RTKN2: variants seen among roughly 807,000 people sequenced by gnomAD.
The protein encoded by RTKN2 is rhotekin 2, also known as rhotekin-2.
A neutral mutation model predicts 71.5 loss-of-function variants in RTKN2; 69 were observed. The ratio of observed to expected loss-of-function variants is 0.96; its 90% CI spans 0.79 to 1.18. The LOEUF is 1.18. RTKN2 is among the 50% of genes most tolerant of loss of function. The pLI is 0.00. For synonymous variants in RTKN2, 236 were observed against 236.5 expected, an observed-to-expected ratio of 1.00 and a Z score of 0.02; for missense variants, 724 against 719.7, an observed-to-expected ratio of 1.01 and a Z score of -0.07.
chr10:62,217,061 GA>G (rs931315726), intron 9 of RTKN2, 56 bp downstream of exon 9: 2 of 1,358,872 alleles, frequency 1.5e-6, no homozygotes, highest in Admixed American at 5.0e-5. Context: ...AAACTGCACA[GA>G]CAAAAACAAA....
intron 6 of RTKN2, among the ~76,000 whole-genome samples, chr10:62,231,784 T>G (rs995085669): frequency 6.6e-6 from 1 of 152,200 alleles, no homozygotes. Context: ...AGGGAAAATT[T>G]TATCATTTTA....
chr10:62,210,674 C>T (rs755399483), intron 9 of RTKN2, among the ~76,000 whole-genome samples: 2 of 152,048 alleles, frequency 1.3e-5, no homozygotes, highest in Non-Finnish European at 2.9e-5. Context: ...AAAAGGATAT[C>T]TTCATGTATA....
chr10:62,264,774 G>C (rs1842839166), intron 1 of RTKN2, among the ~76,000 whole-genome samples: 1 of 152,024 alleles, frequency 6.6e-6, no homozygotes, highest in African/African-American at 2.4e-5. Flanking sequence ...GGGCCTTATA[G>C]AAGTACCTAA....
chr10:62,264,240 A>G (rs1476233862), intron 1 of RTKN2, among the ~76,000 whole-genome samples: 2 of 152,236 alleles, frequency 1.3e-5, no homozygotes, highest in South Asian at 2.1e-4. Context: ...ACTACAGTAG[A>G]TGATTTAACT....
chr10:62,262,823 TAA>T lies in RTKN2; in HGVS notation c.61-4_61-3del. 4.3e-6 allele frequency: 6 copies of T among 1,385,768 alleles called. No individual in the cohort carries two copies. Among genetic ancestry groups the T allele is most frequent in the Non-Finnish European group, 4.9e-6 (5 of 1,022,516 alleles). The allele number at this position is 1,385,768 out of a possible 1,614,324, so 85.8% of individuals were successfully genotyped here. ...TATTTTTTCTTGAATGTTGCAGTCC[TAA>T]AAAAAAAATGCATCTTGAAAATATA... On this transcript the variant is annotated splice_polypyrimidine_tract_variant and splice_region_variant and intron_variant, in intron 1 of 11. Transcript: ENST00000373789.
exon 9 of RTKN2, chr10:62,184,358 C>T: frequency 6.5e-7 from 1 of 1,544,784 alleles, no homozygotes; most frequent in Admixed American, 2.0e-5. Flanking sequence ...CTGGCAGTTT[C>T]TGGAGATTAT....
At chr10:62,250,322 G>T (rs916235496) in intron 2 of RTKN2, among the ~76,000 whole-genome samples, 9 of 152,172 alleles carry the variant, frequency 5.9e-5, no homozygotes, top group African/African-American at 2.2e-4. Context: ...GGTGTCCTTT[G>T]GAGCCTTGGC....
chr10:62,198,308 T>C lies in RTKN2; in HGVS notation c.1430A>G (p.Asn477Ser), dbSNP rs1841372889. 6.2e-7 allele frequency: 1 copy of C among 1,613,996 alleles called. No individual in the cohort carries two copies. The highest frequency in any genetic ancestry group is 8.5e-7 in the Non-Finnish European group (1 of 1,179,906). ...CTTTTTCTGGATGACCATTTGATGG[T>C]TACCATCAAAGAGTGTGGCCCAAGG... The part of the protein sequence containing the change: ...PPPWATLFDG[N>S]HQMVIQKKVL... Residue 477 changes from asparagine (N) to serine (S), a missense_variant, in exon 12 of 12, where the codon AAC becomes AGC. By Grantham distance (46) the Asn-to-Ser change is conservative. Coordinates refer to ENST00000373789, the MANE Select transcript of RTKN2 (RefSeq NM_145307.4).
rs143369980 is a variant in RTKN2 at position 62,198,556 on chromosome 10, A to G, written c.1295-113T>C. The G allele has an allele frequency of 1.4e-3, 1,112 of 780,558 alleles. 8 individuals carry two copies. In the African/African-American group the frequency reaches 0.017, roughly 12 times the overall value. The allele number at this position is 780,558 out of a possible 1,614,324, so 48.4% of individuals were successfully genotyped here. A position where few individuals can be genotyped will look rare whatever the true frequency, so the allele number is the denominator to read the frequency against. On this transcript the variant is annotated intron_variant, in intron 11 of 11. Transcript: ENST00000373789. Reference sequence around the variant, plus strand: ...CTATATACAATGGTCATCAAAGACTATGATAAGGAAAACGTTCACTTGTAA... The same window carrying G: ...CTATATACAATGGTCATCAAAGACTGTGATAAGGAAAACGTTCACTTGTAA...
At chr10:62,235,307 GATA>G (rs1410806844) in intron 6 of RTKN2, among the ~76,000 whole-genome samples, 1 of 152,072 alleles carries the variant, frequency 6.6e-6, no homozygotes, top group African/African-American at 2.4e-5. Context: ...AGTTAAGTAT[GATA>G]ATGATAATGT....
At chr10:62,237,810 T>C (rs1475600287) in intron 5 of RTKN2, among the ~76,000 whole-genome samples, 1 of 151,456 alleles carries the variant, frequency 6.6e-6, no homozygotes, top group East Asian at 1.9e-4. Context: ...GCTGTCTGGG[T>C]GATCTTTGTG....
Position 62,262,797 on chromosome 10 carries a change from C to G in RTKN2, c.85G>C (p.Asp29His). 6.2e-7 allele frequency: 1 copy of G among 1,606,844 alleles called. No individual in the cohort carries two copies. Among genetic ancestry groups the G allele is most frequent in the Non-Finnish European group, 8.5e-7 (1 of 1,177,372 alleles). ...QQDCNIQEKIDLEIRMREGIW... is the reference protein window; with the variant it reads ...QQDCNIQEKIHLEIRMREGIW... The stretch of plus-strand genomic sequence containing the variant: ...CCTTCTCGCATTCGAATTTCTAAGT[C>G]TATTTTTTCTTGAATGTTGCAGTCC... The change falls in exon 2 of 12, where the codon GAC becomes CAC. Residue 29 changes from aspartate to histidine, a missense_variant. Transcript: ENST00000373789.
chr10:62,192,429 C>CA (rs1841237420), downstream of RTKN2, among the ~76,000 whole-genome samples: 1 of 152,120 alleles, frequency 6.6e-6, no homozygotes, highest in Non-Finnish European at 1.5e-5. Flanking sequence ...AATAGCACTC[C>CA]AGTGGCTCTA....
chr10:62,221,101 G>C (rs1023710236), intron 7 of RTKN2, among the ~76,000 whole-genome samples: 6 of 147,422 alleles, frequency 4.1e-5, no homozygotes, highest in Admixed American at 6.8e-5. Context: ...AAACATGTAG[G>C]TAAATCTAAA....
At chr10:62,252,221 CA>C (rs1842594655) in intron 2 of RTKN2, among the ~76,000 whole-genome samples, 1 of 151,894 alleles carries the variant, frequency 6.6e-6, no homozygotes, top group South Asian at 2.1e-4. Flanking sequence ...AGTCTCCAGG[CA>C]AAAAGTCAAA....
rs1252823652 is a variant in RTKN2, at chr10:62,217,244, C to A, written c.894G>T (p.Met298Ile). Residue 298 changes from methionine to isoleucine, a missense_variant, in exon 9 of 12, where the codon ATG becomes ATT. Transcript: ENST00000373789. ...AFAGFLNQQQMVEGLISWRRL... is the reference protein window; with the variant it reads ...AFAGFLNQQQIVEGLISWRRL... ...TTCTCCAACTAATCAGACCTTCTAC[C>A]ATTTGCTGAAAAAAAAAAAAAAAAA... 4 of 1,460,394 alleles carry A rather than the reference C, an allele frequency of 2.7e-6. No individual in the cohort carries two copies. Among genetic ancestry groups the A allele is most frequent in the Admixed American group, 5.1e-5 (2 of 38,946 alleles). 90.5% of individuals were successfully genotyped at this position (1,460,394 alleles called of 1,614,324 possible). A position where few individuals can be genotyped will look rare whatever the true frequency, so the allele number is the denominator to read the frequency against.
chr10:62,217,014 C>T, intron 9 of RTKN2, 104 bp downstream of exon 9: 1 of 737,434 alleles, frequency 1.4e-6, no homozygotes, highest in Non-Finnish European at 2.0e-6. Context: ...CTGTTTTTAC[C>T]AGTACTTCTC....
chr10:62,253,776 T>A (rs1842623998), intron 2 of RTKN2, among the ~76,000 whole-genome samples: 1 of 152,090 alleles, frequency 6.6e-6, no homozygotes, highest in African/African-American at 2.4e-5. Flanking sequence ...GACTGGCATG[T>A]GACCAAAACT....
chr10:62,213,012 C>A (rs1455159935), intron 9 of RTKN2, among the ~76,000 whole-genome samples: 2 of 152,082 alleles, frequency 1.3e-5, no homozygotes, highest in African/African-American at 4.8e-5. Flanking sequence ...AATTAAGATA[C>A]CAAGTATTTA....
Sources: allele counts gnomAD v4.1 joint callset (sites outside exome capture counted in the v4.1 genomes callset), GRCh38; gene constraint gnomAD v4.1.1; transcripts MANE v1.5; gene names NCBI Gene and HGNC (gene_info 2026-07-23, HGNC 2026-07-21).